LYNX1: variants seen among roughly 807,000 people sequenced by gnomAD.
LYNX1 encodes the protein Ly6/neurotoxin 1.
Under a neutral mutation model 8.3 loss-of-function variants are expected in LYNX1, and 8 were observed. The observed-to-expected ratio is 0.97, with a 90% CI of 0.57 to 1.74. The LOEUF is 1.74. LYNX1 is among the 40% of genes most tolerant of loss of function. The pLI is 0.00. For missense variants in LYNX1, 158 were observed against 159.7 expected, an observed-to-expected ratio of 0.99 and a Z score of 0.06; for synonymous variants, 73 against 67.9, an observed-to-expected ratio of 1.08 and a Z score of -0.37.
In LYNX1 at chr8:142,772,724, G is replaced by A. The variant is rs587764337; in HGVS notation, c.*2443C>T. 24 of 985,576 alleles carry A rather than the reference G, an allele frequency of 2.4e-5. No individual in the cohort carries two copies. The highest frequency in any genetic ancestry group is 1.0e-4 in the African/African-American group (6 of 57,362). 61.1% of individuals were successfully genotyped at this position (985,576 alleles called of 1,614,324 possible). ...GTTTACTGCTGTGATTTCTGCCGGCGCTGCTGTGCCGGTTCCCTGGTGCTG... is the reference window on the plus strand; with the variant it reads ...GTTTACTGCTGTGATTTCTGCCGGCACTGCTGTGCCGGTTCCCTGGTGCTG... On this transcript the variant is annotated 3_prime_UTR_variant, in exon 4 of 4. Coordinates refer to ENST00000652477, the MANE Select transcript of LYNX1 (RefSeq NM_177477.4).
rs867337998 is a variant in LYNX1, at chr8:142,774,541, G to A, written c.*626C>T. 1.3e-5 allele frequency: 13 copies of A among 985,520 alleles called. No individual in the cohort carries two copies. The highest frequency in any genetic ancestry group is 5.2e-4 in the Middle Eastern group (1 of 1,936). 61.0% of individuals were successfully genotyped at this position (985,520 alleles called of 1,614,324 possible). A position where few individuals can be genotyped will look rare whatever the true frequency, so the allele number is the denominator to read the frequency against. On this transcript the variant is annotated 3_prime_UTR_variant, in exon 4 of 4. Transcript: ENST00000652477. ...GACCCGAAAAAGCTTCTGTGACTTC[G>A]GGGGCCCTGGGGCCTGCTGAGGCAG...
At position 142,774,188 on chromosome 8, in the gene LYNX1, A is replaced by G. The variant is rs1325828061; in HGVS notation, c.*979T>C. On this transcript the variant is annotated 3_prime_UTR_variant, in exon 4 of 4. Transcript: ENST00000652477. Reference sequence around the variant, plus strand: ...TCCCCACTCCCGCCCCCGCACGGCCACGAGAGGGTGGCATGCTCCGCCTTC... The same window carrying G: ...TCCCCACTCCCGCCCCCGCACGGCCGCGAGAGGGTGGCATGCTCCGCCTTC... The G allele has an allele frequency of 2.3e-6, 2 of 886,934 alleles. No homozygotes were observed. Among genetic ancestry groups the G allele is most frequent in the Non-Finnish European group, 2.6e-6 (2 of 775,434 alleles). The allele number at this position is 886,934 out of a possible 1,614,324, so 54.9% of individuals were successfully genotyped here.
Position 142,774,251 on chromosome 8 carries a change from AC to A in LYNX1, c.*915del, listed in dbSNP as rs1370345572. On this transcript the variant is annotated 3_prime_UTR_variant, in exon 4 of 4. Transcript: ENST00000652477. ...CCGCGCCGGCCCCAGGCTGCTCCCAACCCCCAGCCTGTGCGCGCATCCCCCA... is the reference window on the plus strand; with the variant it reads ...CCGCGCCGGCCCCAGGCTGCTCCCAACCCCAGCCTGTGCGCGCATCCCCCA... 1.2e-5 allele frequency: 12 copies of A among 982,922 alleles called. No individual in the cohort carries two copies. The highest frequency in any genetic ancestry group is 1.4e-5 in the Non-Finnish European group (12 of 829,436). 60.9% of individuals were successfully genotyped at this position (982,922 alleles called of 1,614,324 possible).
Position 142,772,502 on chromosome 8 carries a change from G to A in LYNX1, c.*2665C>T, listed in dbSNP as rs1226166331. On this transcript the variant is annotated 3_prime_UTR_variant, in exon 4 of 4. Transcript: ENST00000652477. The stretch of plus-strand genomic sequence containing the variant: ...AGCTGGTGGGAGAAGCGGCTGCACT[G>A]TGGTGCAGGGGGTGGTGAGTGAGCG... 1 of 985,374 alleles carries A rather than the reference G, an allele frequency of 1.0e-6. No individual in the cohort carries two copies. Among genetic ancestry groups the A allele is most frequent in the Non-Finnish European group, 1.2e-6 (1 of 829,958 alleles). 61.0% of individuals were successfully genotyped at this position (985,374 alleles called of 1,614,324 possible).
chr8:142,771,531 G>T lies in LYNX1; in HGVS notation c.*3636C>A, dbSNP rs1003163789. The T allele has an allele frequency of 2.0e-6, 2 of 985,420 alleles. No individual in the cohort carries two copies. Among genetic ancestry groups the T allele is most frequent in the Non-Finnish European group, 2.4e-6 (2 of 829,944 alleles). The allele number at this position is 985,420 out of a possible 1,614,324, so 61.0% of individuals were successfully genotyped here. ...GTGGCTCTGTCCACCCTTCTGTCTG[G>T]GAGGCTCCTTAAGGCTGGGGAGGGC... On this transcript the variant is annotated 3_prime_UTR_variant, in exon 4 of 4. Coordinates refer to ENST00000652477, the MANE Select transcript of LYNX1 (RefSeq NM_177477.4).
Position 142,772,800 on chromosome 8 carries a change from C to T in LYNX1, c.*2367G>A. On this transcript the variant is annotated 3_prime_UTR_variant, in exon 4 of 4. Coordinates refer to ENST00000652477, the MANE Select transcript of LYNX1 (RefSeq NM_177477.4). The stretch of plus-strand genomic sequence containing the variant: ...GGCCTGCCCAGCATTAGCTGAGTGC[C>T]TTCTGTGTGCTCTACGCCAGGTGCC... 1 of 985,640 alleles carries T rather than the reference C, an allele frequency of 1.0e-6. No individual in the cohort carries two copies. The highest frequency in any genetic ancestry group is 4.7e-5 in the South Asian group (1 of 21,294). The allele number at this position is 985,640 out of a possible 1,614,324, so 61.1% of individuals were successfully genotyped here.
chr8:142,772,941 A>C lies in LYNX1; in HGVS notation c.*2226T>G. On this transcript the variant is annotated 3_prime_UTR_variant, in exon 4 of 4. Coordinates refer to ENST00000652477, the MANE Select transcript of LYNX1 (RefSeq NM_177477.4). ...GAGAAGCTGCCCACCCCACCCCTCA[A>C]CACCACAGCACTTCCAGCTCCAGCA... 2 of 985,790 alleles carry C rather than the reference A, an allele frequency of 2.0e-6. No homozygotes were observed. Among genetic ancestry groups the C allele is most frequent in the Non-Finnish European group, 2.4e-6 (2 of 830,224 alleles). 61.1% of individuals were successfully genotyped at this position (985,790 alleles called of 1,614,324 possible).
At position 142,774,797 on chromosome 8, in the gene LYNX1, G is replaced by A. The variant is rs1398219554; in HGVS notation, c.*370C>T. Reference sequence around the variant, plus strand: ...GTCTTCCCCCTGCCCCAGCACACCAGGGGCAGACTGAGGCAGGGGCCTCTC... The same window carrying A: ...GTCTTCCCCCTGCCCCAGCACACCAAGGGCAGACTGAGGCAGGGGCCTCTC... On this transcript the variant is annotated 3_prime_UTR_variant, in exon 4 of 4. Coordinates refer to ENST00000652477, the MANE Select transcript of LYNX1 (RefSeq NM_177477.4). 7.0e-5 allele frequency: 77 copies of A among 1,103,556 alleles called. No individual in the cohort carries two copies. The African/African-American group carries it at 1.2e-3, about 17-fold the overall frequency. 68.4% of individuals were successfully genotyped at this position (1,103,556 alleles called of 1,614,324 possible).
At chr8:142,776,300 A>G (rs1398406060) in intron 1 of LYNX1, 179 bp from the exon 2 acceptor site, 4 of 352,598 alleles carry the variant, frequency 1.1e-5, no homozygotes, top group Admixed American at 1.1e-4. Flanking sequence ...GGACATTTCA[A>G]TCAGAGACCA....
upstream of LYNX1, chr8:142,777,313 GGCCTGCCCCGGCCCC>G: frequency 6.9e-6 from 1 of 145,892 alleles, no homozygotes. Context: ...CCCCGCCCCA[GGCCTGCCCCGGCCCC>G]ACCTCCTGAG....
Position 142,775,247 on chromosome 8 carries a change from A to G in LYNX1, c.271T>C (p.Cys91Arg). The change falls in exon 4 of 4, where the codon TGC becomes CGC. Residue 91 changes from cysteine to arginine, a missense_variant. Transcript: ENST00000652477. ...STTSCCQYDL[C>R]NGTGLATPAT... ...GGGGTGGCAAGGCCGGTGCCGTTGC[A>G]GAGGTCGTACTGGCAGCAGGAGGTG... 6.2e-7 allele frequency: 1 copy of G among 1,613,934 alleles called. No individual in the cohort carries two copies. The highest frequency in any genetic ancestry group is 1.3e-5 in the African/African-American group (1 of 75,052).
Position 142,774,915 on chromosome 8 carries a change from A to G in LYNX1, c.*252T>C, listed in dbSNP as rs1815336854. ...CCCCTCCCCATAAATAGCCCTGGAC[A>G]GGCGAGGGGCTGATCAGCCCATCAA... On this transcript the variant is annotated 3_prime_UTR_variant, in exon 4 of 4. Transcript: ENST00000652477. 5 of 1,390,260 alleles carry G rather than the reference A, an allele frequency of 3.6e-6. No homozygotes were observed. Among genetic ancestry groups the G allele is most frequent in the African/African-American group, 1.4e-5 (1 of 68,998 alleles). 86.1% of individuals were successfully genotyped at this position (1,390,260 alleles called of 1,614,324 possible).
chr8:142,774,719 A>G lies in LYNX1; in HGVS notation c.*448T>C, dbSNP rs1355886114. ...CAGTAGGAAGCGTGACTAGGCCTGG[A>G]GGAGCCTTTCCTCCTAAGAGTCTCC... On this transcript the variant is annotated 3_prime_UTR_variant, in exon 4 of 4. Coordinates refer to ENST00000652477, the MANE Select transcript of LYNX1 (RefSeq NM_177477.4). 3.0e-6 allele frequency: 3 copies of G among 1,008,990 alleles called. No individual in the cohort carries two copies. The highest frequency in any genetic ancestry group is 3.6e-6 in the Non-Finnish European group (3 of 844,700). 62.5% of individuals were successfully genotyped at this position (1,008,990 alleles called of 1,614,324 possible). A position where few individuals can be genotyped will look rare whatever the true frequency, so the allele number is the denominator to read the frequency against.
In LYNX1 at chr8:142,773,961, G is replaced by A. The variant is rs587689471; in HGVS notation, c.*1206C>T. The A allele has an allele frequency of 1.2e-4, 120 of 985,388 alleles. No individual in the cohort carries two copies. The African/African-American group carries it at 1.6e-3, about 13-fold the overall frequency. 61.0% of individuals were successfully genotyped at this position (985,388 alleles called of 1,614,324 possible). A position where few individuals can be genotyped will look rare whatever the true frequency, so the allele number is the denominator to read the frequency against. ...AGGTGCTCCCTGGGCTACCTGCATC[G>A]GGGATGGATTGGTGCGTGTTGGGCT... On this transcript the variant is annotated 3_prime_UTR_variant, in exon 4 of 4. Coordinates refer to ENST00000652477, the MANE Select transcript of LYNX1 (RefSeq NM_177477.4).
At chr8:142,775,500 C>T in intron 3 of LYNX1, 93 bp downstream of exon 3, 1 of 1,554,776 alleles carries the variant, frequency 6.4e-7, no homozygotes, top group Middle Eastern at 1.8e-4. Context: ...AACAGGAGAG[C>T]CTCCTTCCTC....
In LYNX1 at chr8:142,773,272, G is replaced by A; in HGVS notation, c.*1895C>T. On this transcript the variant is annotated 3_prime_UTR_variant, in exon 4 of 4. Coordinates refer to ENST00000652477, the MANE Select transcript of LYNX1 (RefSeq NM_177477.4). ...CACTTGCAGGTGGGGGCCCTTGGGA[G>A]CTCTGGGAGGCACCTGGCAGCCTCC... The A allele has an allele frequency of 1.0e-6, 1 of 985,366 alleles. No individual in the cohort carries two copies. Among genetic ancestry groups the A allele is most frequent in the African/African-American group, 1.7e-5 (1 of 57,316 alleles). The allele number at this position is 985,366 out of a possible 1,614,324, so 61.0% of individuals were successfully genotyped here.
Position 142,771,237 on chromosome 8 carries a change from C to G in LYNX1, c.*3930G>C. On this transcript the variant is annotated 3_prime_UTR_variant, in exon 4 of 4. Transcript: ENST00000652477. ...TTGATTTATTTACGGCTCGGTGAGA[C>G]GACGCTGGACGCTGGTTAGGGTAAG... 4.1e-6 allele frequency: 4 copies of G among 985,362 alleles called. No homozygotes were observed. The highest frequency in any genetic ancestry group is 4.8e-6 in the Non-Finnish European group (4 of 829,962). The allele number at this position is 985,362 out of a possible 1,614,324, so 61.0% of individuals were successfully genotyped here.
At position 142,772,318 on chromosome 8, in the gene LYNX1, C is replaced by G. The variant is rs1006969082; in HGVS notation, c.*2849G>C. 1.0e-6 allele frequency: 1 copy of G among 985,762 alleles called. No homozygotes were observed. Among genetic ancestry groups the G allele is most frequent in the Non-Finnish European group, 1.2e-6 (1 of 830,014 alleles). The allele number at this position is 985,762 out of a possible 1,614,324, so 61.1% of individuals were successfully genotyped here. A position where few individuals can be genotyped will look rare whatever the true frequency, so the allele number is the denominator to read the frequency against. ...CCCATGGTGCCCAGTGCCTCTCCCC[C>G]TCTCCTCTGCCACTCTGCCCTGCAC... On this transcript the variant is annotated 3_prime_UTR_variant, in exon 4 of 4. Transcript: ENST00000652477.
At position 142,772,947 on chromosome 8, in the gene LYNX1, C is replaced by T. The variant is rs1446189198; in HGVS notation, c.*2220G>A. 2.0e-6 allele frequency: 2 copies of T among 985,752 alleles called. No individual in the cohort carries two copies. Among genetic ancestry groups the T allele is most frequent in the African/African-American group, 1.7e-5 (1 of 57,236 alleles). 61.1% of individuals were successfully genotyped at this position (985,752 alleles called of 1,614,324 possible). A position where few individuals can be genotyped will look rare whatever the true frequency, so the allele number is the denominator to read the frequency against. ...CTGCCCACCCCACCCCTCAACACCA[C>T]AGCACTTCCAGCTCCAGCAGGTCCT... On this transcript the variant is annotated 3_prime_UTR_variant, in exon 4 of 4. Coordinates refer to ENST00000652477, the MANE Select transcript of LYNX1 (RefSeq NM_177477.4).
Sources: allele counts gnomAD v4.1 joint callset, GRCh38; gene constraint gnomAD v4.1.1; transcripts MANE v1.5; gene names NCBI Gene and HGNC (gene_info 2026-07-23, HGNC 2026-07-21).